Variants in KCNIP4 observed in about 807,000 individuals in gnomAD.
KCNIP4 encodes potassium voltage-gated channel interacting protein 4.
A neutral mutation model predicts 34.0 loss-of-function variants in KCNIP4; 12 were observed. The observed-to-expected ratio is 0.35, with a 90% CI of 0.23 to 0.57. The LOEUF (loss-of-function observed/expected upper bound fraction) is 0.57. Ranked by LOEUF, KCNIP4 falls within the 20% of genes least tolerant of loss-of-function variation. The pLI, the probability that KCNIP4 is intolerant of heterozygous loss-of-function variation, is 0.83. For synonymous variants in KCNIP4, 124 were observed against 102.2 expected, an observed-to-expected ratio of 1.21 and a Z score of -1.29; for missense variants, 238 against 311.7, an observed-to-expected ratio of 0.76 and a Z score of 1.78.
chr4:21,184,250 T>C (rs1217098580), intron 1 of KCNIP4, among the ~76,000 whole-genome samples: 2 of 152,162 alleles, frequency 1.3e-5, no homozygotes, highest in Admixed American at 1.3e-4. Flanking sequence ...TCAGCATAAA[T>C]CACTTAGAAC....
At chr4:21,895,816 C>T (rs1578120671) in intron 1 of KCNIP4, among the ~76,000 whole-genome samples, 2 of 152,286 alleles carry the variant, frequency 1.3e-5, no homozygotes, top group South Asian at 4.1e-4. Context: ...CCCCTGTACT[C>T]TCCCAATTGG....
chr4:21,511,044 A>AAAAAT (rs1734274816), intron 1 of KCNIP4, among the ~76,000 whole-genome samples: 1 of 152,018 alleles, frequency 6.6e-6, no homozygotes, highest in Non-Finnish European at 1.5e-5. Context: ...ACCCTATCTC[A>AAAAAT]AAAATAAAAT....
intron 1 of KCNIP4, among the ~76,000 whole-genome samples, chr4:20,989,372 T>G (rs1465244962): frequency 6.6e-6 from 1 of 152,116 alleles, no homozygotes; most frequent in African/African-American, 2.4e-5. Context: ...GAGAGCAGAG[T>G]TGGCTTGTTT....
chr4:21,000,129 C>T (rs1211337494), intron 1 of KCNIP4, among the ~76,000 whole-genome samples: 3 of 152,138 alleles, frequency 2.0e-5, no homozygotes, highest in Admixed American at 1.3e-4. Flanking sequence ...CATATACCAT[C>T]GATTCCAGCA....
intron 1 of KCNIP4, among the ~76,000 whole-genome samples, chr4:21,168,541 A>T (rs1030962740): frequency 6.6e-6 from 1 of 152,154 alleles, no homozygotes; most frequent in Non-Finnish European, 1.5e-5. Context: ...GCTTTACCGA[A>T]ACTATCTAAA....
At chr4:21,912,392 G>T (rs191233909) in intron 1 of KCNIP4, among the ~76,000 whole-genome samples, 169 of 152,222 alleles carry the variant, frequency 1.1e-3, no homozygotes, top group Non-Finnish European at 2.1e-3. Context: ...TTAAGTGTCA[G>T]GTATACAATG....
At chr4:21,021,873 T>C (rs1324037744) in intron 1 of KCNIP4, among the ~76,000 whole-genome samples, 2 of 144,398 alleles carry the variant, frequency 1.4e-5, no homozygotes, top group Non-Finnish European at 3.1e-5. Context: ...TAGTATAGTA[T>C]AGTATAGTAT....
intron 1 of KCNIP4, among the ~76,000 whole-genome samples, chr4:21,582,527 T>G (rs1003428427): frequency 1.3e-5 from 2 of 152,002 alleles, no homozygotes; most frequent in African/African-American, 4.8e-5. Flanking sequence ...GCCCTTCCTA[T>G]TCTATCTTCA....
At chr4:21,530,533 G>C (rs1042313788) in intron 1 of KCNIP4, among the ~76,000 whole-genome samples, 3 of 151,976 alleles carry the variant, frequency 2.0e-5, no homozygotes, top group Admixed American at 6.6e-5. Context: ...GCAAAAATTT[G>C]GTAAAAATTG....
intron 1 of KCNIP4, among the ~76,000 whole-genome samples, chr4:21,480,295 C>G (rs1038647187): frequency 6.6e-6 from 1 of 151,912 alleles, no homozygotes; most frequent in African/African-American, 2.4e-5. Flanking sequence ...CAAACTAATC[C>G]TAACTTTGAT....
chr4:21,467,756 A>C (rs1175013353), intron 1 of KCNIP4, among the ~76,000 whole-genome samples: 1 of 152,182 alleles, frequency 6.6e-6, no homozygotes, highest in Non-Finnish European at 1.5e-5. Flanking sequence ...GTTTTCTGAA[A>C]GTCGGAAGGC....
chr4:20,799,797 T>C (rs867292995), intron 3 of KCNIP4, among the ~76,000 whole-genome samples: 1 of 152,198 alleles, frequency 6.6e-6, no homozygotes, highest in Non-Finnish European at 1.5e-5. Context: ...AGGATCTGAA[T>C]TGTAGCTGTG....
intron 3 of KCNIP4, among the ~76,000 whole-genome samples, chr4:20,844,324 T>C (rs954352517): frequency 6.6e-6 from 1 of 152,212 alleles, no homozygotes; most frequent in Non-Finnish European, 1.5e-5. Flanking sequence ...GGAAATAGCA[T>C]TTTAACTCTG....
intron 3 of KCNIP4, among the ~76,000 whole-genome samples, chr4:20,823,807 T>C (rs1267138551): frequency 6.6e-6 from 1 of 152,186 alleles, no homozygotes; most frequent in Non-Finnish European, 1.5e-5. Context: ...AATGGACTGA[T>C]AATGGTGAGA....
intron 1 of KCNIP4, among the ~76,000 whole-genome samples, chr4:21,487,228 A>G (rs1731994777): frequency 6.6e-6 from 1 of 152,080 alleles, no homozygotes; most frequent in Non-Finnish European, 1.5e-5. Flanking sequence ...TAGCTTTCTC[A>G]GACTTTTTTT....
At chr4:20,915,074 T>C (rs1728679235) in intron 1 of KCNIP4, among the ~76,000 whole-genome samples, 2 of 152,212 alleles carry the variant, frequency 1.3e-5, no homozygotes, top group Non-Finnish European at 1.5e-5. Flanking sequence ...CCTGAAGTTT[T>C]CTCTCTCCAA....
intron 1 of KCNIP4, among the ~76,000 whole-genome samples, chr4:21,626,254 T>C (rs1745313101): frequency 6.6e-6 from 1 of 152,050 alleles, no homozygotes; most frequent in South Asian, 2.1e-4. Context: ...TTTGAAGCCC[T>C]AATCCTCAAT....
At chr4:21,684,366 A>G (rs1004165839) in intron 1 of KCNIP4, among the ~76,000 whole-genome samples, 20 of 152,218 alleles carry the variant, frequency 1.3e-4, no homozygotes, top group Non-Finnish European at 1.5e-5. Context: ...CATATTTCAT[A>G]ATAAAATTCT....
intron 1 of KCNIP4, among the ~76,000 whole-genome samples, chr4:21,266,300 A>G (rs1761804301): frequency 6.6e-6 from 1 of 152,278 alleles, no homozygotes; most frequent in Admixed American, 6.5e-5. Context: ...ATTTTTGCAC[A>G]AATTATCCTT....
Sources: gnomAD v4.1 joint callset for allele counts (sites outside exome capture counted in the v4.1 genomes callset) on GRCh38, gnomAD v4.1.1 for gene constraint, MANE v1.5 for transcripts, NCBI Gene and HGNC (gene_info 2026-07-23, HGNC 2026-07-21) for gene names.